DNAAF9: variants seen among roughly 807,000 people sequenced by gnomAD.
DNAAF9 encodes the protein shulin.
Under a neutral mutation model 167.0 loss-of-function variants are expected in DNAAF9, and 90 were observed. The ratio of observed to expected loss-of-function variants is 0.54; its 90% confidence interval spans 0.45 to 0.64. DNAAF9 has a LOEUF of 0.64. DNAAF9 is among the 30% of genes least tolerant of loss of function. The pLI is 0.00. For synonymous variants in DNAAF9, 491 were observed against 508.8 expected, an observed-to-expected ratio of 0.96 and a Z score of 0.47; for missense variants, 1,315 against 1,442.2, an observed-to-expected ratio of 0.91 and a Z score of 1.43.
At chr20:3,370,149 T>C (rs139182302) in intron 6 of DNAAF9, among the ~76,000 whole-genome samples, 1 of 152,316 alleles carries the variant, frequency 6.6e-6, no homozygotes, top group Non-Finnish European at 1.5e-5. Flanking sequence ...CCCCTTATAT[T>C]CTACATGCCA....
At chr20:3,344,091 A>T (rs758991412) in intron 8 of DNAAF9, among the ~76,000 whole-genome samples, 3 of 152,210 alleles carry the variant, frequency 2.0e-5, no homozygotes, top group Non-Finnish European at 4.4e-5. Flanking sequence ...AATTGGACCA[A>T]TCACCATCTA....
chr20:3,249,425 T>C lies in DNAAF9; in HGVS notation c.*3147A>G, dbSNP rs1320273115. 1 of 152,260 alleles carries C rather than the reference T, an allele frequency of 6.6e-6. No individual in the cohort carries two copies. Among genetic ancestry groups the C allele is most frequent in the African/African-American group, 2.4e-5 (1 of 41,470 alleles). 9.4% of individuals were successfully genotyped at this position (152,260 alleles called of 1,614,324 possible). The stretch of plus-strand genomic sequence containing the variant: ...ATAAAAATAAATTGAAGGCTACTTT[T>C]ATATATTTACTGAATTAAGTAGTGT... On this transcript the variant is annotated 3_prime_UTR_variant, in exon 37 of 37. Transcript: ENST00000252032.
At chr20:3,301,304 C>T (rs2069185311) in intron 21 of DNAAF9, among the ~76,000 whole-genome samples, 1 of 151,960 alleles carries the variant, frequency 6.6e-6, no homozygotes, top group Non-Finnish European at 1.5e-5. Context: ...TTTCCTGCCT[C>T]AGTCTCCTGA....
At chr20:3,381,333 A>C in intron 3 of DNAAF9, 46 bp downstream of exon 3, 1 of 1,448,812 alleles carries the variant, frequency 6.9e-7, no homozygotes, top group Non-Finnish European at 9.4e-7. Context: ...CAAATAAATA[A>C]ACCTCTTACT....
intron 6 of DNAAF9, among the ~76,000 whole-genome samples, chr20:3,369,037 G>A (rs1254559377): frequency 6.6e-6 from 1 of 151,792 alleles, no homozygotes; most frequent in African/African-American, 2.4e-5. Context: ...GTTGTGGCAG[G>A]AGAATCGTTT....
chr20:3,380,513 C>T (rs2083634179), intron 3 of DNAAF9, among the ~76,000 whole-genome samples: 1 of 152,168 alleles, frequency 6.6e-6, no homozygotes, highest in African/African-American at 2.4e-5. Context: ...CATCTCTGGC[C>T]TCTATCCACT....
intron 6 of DNAAF9, among the ~76,000 whole-genome samples, chr20:3,373,320 G>A (rs373848756): frequency 3.9e-5 from 6 of 152,248 alleles, no homozygotes; most frequent in South Asian, 2.1e-4. Context: ...AATGTTCCCC[G>A]TCCCTGGTTT....
At chr20:3,356,472 G>C (rs1267469454) in intron 7 of DNAAF9, among the ~76,000 whole-genome samples, 2 of 152,146 alleles carry the variant, frequency 1.3e-5, no homozygotes, top group African/African-American at 4.8e-5. Context: ...CTATCCTGGG[G>C]CCTATTTTAA....
At chr20:3,406,361 T>C (rs1406756834) in intron 1 of DNAAF9, among the ~76,000 whole-genome samples, 1 of 152,136 alleles carries the variant, frequency 6.6e-6, no homozygotes, top group African/African-American at 2.4e-5. Flanking sequence ...AAGGGAACAA[T>C]ATATTTGCTT....
intron 9 of DNAAF9, among the ~76,000 whole-genome samples, chr20:3,342,868 T>C (rs78395488): frequency 0.011 from 1,639 of 152,304 alleles, 32 homozygotes; most frequent in African/African-American, 0.038. Flanking sequence ...CGAACCCTCA[T>C]TGAACCCATC....
chr20:3,328,651 G>A (rs894699767), intron 12 of DNAAF9, among the ~76,000 whole-genome samples: 2 of 152,168 alleles, frequency 1.3e-5, no homozygotes, highest in South Asian at 4.1e-4. Context: ...ATCCAGGACA[G>A]TGGCTAAGCA....
intron 20 of DNAAF9, among the ~76,000 whole-genome samples, chr20:3,312,707 T>C (rs1190707958): frequency 6.6e-6 from 1 of 152,188 alleles, no homozygotes; most frequent in African/African-American, 2.4e-5. Context: ...CATTTTGTAG[T>C]ATTTTCCTCA....
intron 20 of DNAAF9, among the ~76,000 whole-genome samples, chr20:3,309,260 A>C (rs946538548): frequency 2.0e-5 from 3 of 152,080 alleles, no homozygotes; most frequent in African/African-American, 7.2e-5. Context: ...TACCATGTCA[A>C]GTAAGTAAAC....
chr20:3,295,834 C>T, intron 23 of DNAAF9: 1 of 921,556 alleles, frequency 1.1e-6, no homozygotes, highest in Non-Finnish European at 1.8e-6. Context: ...AATCAGTAAA[C>T]AAAGAGTTTA....
chr20:3,341,701 G>A (rs942185559), intron 9 of DNAAF9, among the ~76,000 whole-genome samples: 1 of 152,144 alleles, frequency 6.6e-6, no homozygotes, highest in Admixed American at 6.6e-5. Flanking sequence ...CTGGACAACT[G>A]CAACACTTCC....
At chr20:3,344,354 G>A (rs142844636) in intron 8 of DNAAF9, among the ~76,000 whole-genome samples, 4 of 152,028 alleles carry the variant, frequency 2.6e-5, no homozygotes, top group East Asian at 1.9e-4. Context: ...TTTTAATCCC[G>A]CTAAATAATA....
At chr20:3,364,115 T>C (rs2083400197) in intron 6 of DNAAF9, among the ~76,000 whole-genome samples, 1 of 152,188 alleles carries the variant, frequency 6.6e-6, no homozygotes, top group Non-Finnish European at 1.5e-5. Context: ...GGTCCTTTTT[T>C]TGTATCTTCT....
chr20:3,369,273 G>A (rs1486710740), intron 6 of DNAAF9, among the ~76,000 whole-genome samples: 1 of 151,588 alleles, frequency 6.6e-6, no homozygotes, highest in Non-Finnish European at 1.5e-5. Flanking sequence ...GAATGTTTAT[G>A]TTTTAAAAAG....
chr20:3,359,469 A>G (rs2123174102), intron 7 of DNAAF9, 47 bp downstream of exon 7: 1 of 1,222,332 alleles, frequency 8.2e-7, no homozygotes, highest in East Asian at 2.4e-5. Context: ...CAGGTAACTG[A>G]GCTGGACGTA....
Sources: gnomAD v4.1 joint callset for allele counts (sites outside exome capture counted in the v4.1 genomes callset) on GRCh38, gnomAD v4.1.1 for gene constraint, MANE v1.5 for transcripts, NCBI Gene and HGNC (gene_info 2026-07-23, HGNC 2026-07-21) for gene names.